RCL1: variants seen among roughly 807,000 people sequenced by gnomAD.
RCL1 encodes the protein RNA terminal phosphate cyclase like 1.
RCL1 carries 24 observed loss-of-function variants against 42.4 expected under a neutral mutation model. The ratio of observed to expected loss-of-function variants is 0.57; its 90% CI spans 0.41 to 0.80. RCL1 has a LOEUF of 0.80. Among genes scored for constraint, RCL1 ranks in the 30% least tolerant of loss-of-function variants. The probability of loss-of-function intolerance (pLI) is 0.00; values close to 1 mark genes in which losing one functional copy is unlikely to be tolerated. For synonymous variants in RCL1, 228 were observed against 177.3 expected (o/e 1.29, Z -2.27); for missense variants, 578 against 467.9 (o/e 1.24, Z -2.17).
chr9:4,858,565 C>T (rs748729794), intron 8 of RCL1, among the ~76,000 whole-genome samples: 3 of 152,178 alleles, frequency 2.0e-5, no homozygotes, highest in Non-Finnish European at 4.4e-5. Context: ...GGCCCAGCTT[C>T]ATTCTTTCAC....
chr9:4,834,077 A>G, intron 4 of RCL1, 64 bp from the exon 5 acceptor site: 1 of 1,558,500 alleles, frequency 6.4e-7, no homozygotes, highest in Non-Finnish European at 8.7e-7. Flanking sequence ...CTTCCTGGGC[A>G]GGGTGTCAGG....
intron 5 of RCL1, among the ~76,000 whole-genome samples, chr9:4,837,030 A>T (rs1252782418): frequency 6.6e-6 from 1 of 152,190 alleles, no homozygotes; most frequent in African/African-American, 2.4e-5. Flanking sequence ...AGGAGCCCCC[A>T]GGTTGATGCA....
chr9:4,826,078 AAAAGAAAG>A (rs199517345), intron 2 of RCL1, among the ~76,000 whole-genome samples: 7 of 151,666 alleles, frequency 4.6e-5, no homozygotes, highest in East Asian at 1.9e-4. Context: ...ATAAAGAAAA[AAAAGAAAG>A]AAAGAAAGAA....
At chr9:4,816,371 A>G (rs1297162166) in intron 1 of RCL1, among the ~76,000 whole-genome samples, 2 of 152,188 alleles carry the variant, frequency 1.3e-5, no homozygotes, top group Non-Finnish European at 2.9e-5. Context: ...TTTACCATGA[A>G]GATACATTCT....
At chr9:4,841,481 T>C (rs2129667073) in intron 6 of RCL1, 124 bp downstream of exon 6, 2 of 793,902 alleles carry the variant, frequency 2.5e-6, no homozygotes, top group East Asian at 5.0e-5. Flanking sequence ...AATTAATTTC[T>C]TTCTGCCTTA....
At chr9:4,798,189 C>T (rs1397087212) in intron 1 of RCL1, among the ~76,000 whole-genome samples, 1 of 152,178 alleles carries the variant, frequency 6.6e-6, no homozygotes, top group Non-Finnish European at 1.5e-5. Context: ...TGTTCCTCAT[C>T]AGTATTATAA....
At chr9:4,826,433 G>T (rs1268335199) in intron 2 of RCL1, among the ~76,000 whole-genome samples, 4 of 150,190 alleles carry the variant, frequency 2.7e-5, no homozygotes, top group African/African-American at 9.8e-5. Context: ...TGGTGAATGA[G>T]GTATATGAGA....
chr9:4,841,804 C>T (rs527882767), intron 6 of RCL1, among the ~76,000 whole-genome samples: 7 of 152,092 alleles, frequency 4.6e-5, no homozygotes, highest in Non-Finnish European at 8.8e-5. Context: ...TTATTGCAGA[C>T]GTGAATTTGG....
intron 2 of RCL1, among the ~76,000 whole-genome samples, chr9:4,825,246 C>T (rs577672241): frequency 6.6e-6 from 1 of 152,174 alleles, no homozygotes; most frequent in South Asian, 2.1e-4. Flanking sequence ...TTACATGATT[C>T]TGCTCCCACT....
chr9:4,812,573 TA>T (rs1299008546), intron 1 of RCL1, among the ~76,000 whole-genome samples: 2 of 152,194 alleles, frequency 1.3e-5, no homozygotes, highest in Non-Finnish European at 2.9e-5. Flanking sequence ...TCACGTAGTG[TA>T]ATGCCTCTTG....
intron 8 of RCL1, among the ~76,000 whole-genome samples, chr9:4,857,931 CTTTTT>C (rs34470773): frequency 6.8e-5 from 7 of 103,048 alleles, no homozygotes; most frequent in African/African-American, 1.6e-4. Flanking sequence ...AGCTCTCCCA[CTTTTT>C]TTTTTTTTTT....
Position 4,841,288 on chromosome 9 carries a change from G to A in RCL1, c.641G>A (p.Ser214Asn). Residue 214 changes from serine to asparagine, a missense_variant, in exon 6 of 9, where the codon AGC (serine) becomes AAC (asparagine). Ser to Asn is a conservative substitution (Grantham distance 46). Coordinates refer to ENST00000381750, the MANE Select transcript of RCL1 (RefSeq NM_005772.5). ...AACCGGATTGTGGATTCTGCAAGGA[G>A]CATCCTCAACAAGTTCATACCTGAT... is the stretch of plus-strand genomic sequence containing the variant. ...MANRIVDSAR[S>N]ILNKFIPDIY... 6.2e-7 allele frequency: 1 copy of A among 1,613,142 alleles called. No homozygotes were observed. The highest frequency in any genetic ancestry group is 8.5e-7 in the Non-Finnish European group (1 of 1,179,136).
At chr9:4,814,304 G>C (rs1413178855) in intron 1 of RCL1, among the ~76,000 whole-genome samples, 1 of 151,886 alleles carries the variant, frequency 6.6e-6, no homozygotes, top group African/African-American at 2.4e-5. Context: ...TTTTTTTAGA[G>C]ATAGGGTCTG....
intron 1 of RCL1, 78 bp from the exon 2 acceptor site, chr9:4,823,470 G>A (rs181459864): frequency 2.7e-6 from 3 of 1,095,644 alleles, no homozygotes; most frequent in East Asian, 2.4e-5. Context: ...CCTGAATCAG[G>A]CATGTGCTCT....
chr9:4,851,125 T>C (rs534201383), intron 8 of RCL1, among the ~76,000 whole-genome samples: 5 of 152,310 alleles, frequency 3.3e-5, no homozygotes, highest in Admixed American at 3.3e-4. Context: ...CTGGACATTT[T>C]TGAAAGTTCC....
At chr9:4,819,786 A>C (rs1816526939) in intron 1 of RCL1, among the ~76,000 whole-genome samples, 1 of 152,236 alleles carries the variant, frequency 6.6e-6, no homozygotes, top group Admixed American at 6.5e-5. Context: ...CAGCCTGGTG[A>C]CAGAGCGAGA....
chr9:4,824,941 T>G (rs923642411), intron 2 of RCL1, among the ~76,000 whole-genome samples: 1 of 152,222 alleles, frequency 6.6e-6, no homozygotes, highest in African/African-American at 2.4e-5. Flanking sequence ...AGACGGAGTC[T>G]TGTTCCGTCA....
intron 1 of RCL1, among the ~76,000 whole-genome samples, chr9:4,807,182 C>T (rs961731491): frequency 5.9e-5 from 9 of 152,242 alleles, no homozygotes; most frequent in African/African-American, 1.9e-4. Flanking sequence ...TCTTGCTGGA[C>T]GTTGTCAATT....
At chr9:4,839,352 T>A (rs1337330647) in intron 5 of RCL1, among the ~76,000 whole-genome samples, 2 of 152,176 alleles carry the variant, frequency 1.3e-5, no homozygotes, top group Non-Finnish European at 2.9e-5. Context: ...TTTTTTTGTC[T>A]TAGTTGTCTT....
Sources: gnomAD v4.1 joint callset for allele counts (sites outside exome capture counted in the v4.1 genomes callset) on GRCh38, gnomAD v4.1.1 for gene constraint, MANE v1.5 for transcripts, NCBI Gene and HGNC (gene_info 2026-07-23, HGNC 2026-07-21) for gene names.